SENP1: variants seen among roughly 807,000 people sequenced by gnomAD.
The protein encoded by SENP1 is sentrin-specific protease 1.
In SENP1, 21 loss-of-function variants were observed where a neutral mutation model predicts 93.0. The ratio of observed to expected loss-of-function variants is 0.23; its 90% confidence interval spans 0.16 to 0.33. The LOEUF is 0.33. SENP1 is among the 10% of genes least tolerant of loss of function. SENP1 has a pLI of 1.00. For synonymous variants in SENP1, 256 were observed against 259.6 expected, an observed-to-expected ratio of 0.99 and a Z score of 0.13; for missense variants, 591 against 758.7, an observed-to-expected ratio of 0.78 and a Z score of 2.60.
chr12:48,048,657 T>A (rs1386383047), intron 14 of SENP1, among the ~76,000 whole-genome samples: 2 of 152,040 alleles, frequency 1.3e-5, no homozygotes, highest in East Asian at 3.8e-4. Context: ...ATAAGTCACT[T>A]TTTTTCCCCC....
chr12:48,056,939 C>T (rs184306036), intron 13 of SENP1, among the ~76,000 whole-genome samples: 28 of 27,832 alleles, frequency 1.0e-3, no homozygotes, highest in African/African-American at 9.9e-3. Flanking sequence ...TAATATATTA[C>T]ATATTACATA....
chr12:48,105,925 T>C, intron 1 of SENP1, 103 bp downstream of exon 1: 1 of 671,018 alleles, frequency 1.5e-6, no homozygotes, highest in East Asian at 2.7e-5. Context: ...TGCTCCCCGC[T>C]TCCGCCCAGT....
intron 4 of SENP1, among the ~76,000 whole-genome samples, chr12:48,094,659 G>A (rs1945435528): frequency 2.6e-5 from 4 of 152,018 alleles, no homozygotes; most frequent in Admixed American, 6.6e-5. Flanking sequence ...TAGCCTGGGT[G>A]ACAGAGCGAG....
chr12:48,065,065 C>T lies in SENP1; in HGVS notation c.1275G>A (p.Glu425=), dbSNP rs777689984. The change falls in exon 12 of 18, where the codon GAG becomes GAA. Residue 425 remains glutamate (E), a splice_region_variant and synonymous_variant. Transcript: ENST00000549518. ...DSEDEFPEIT[E]EMEKEIKNVF... ...TAGAAATTAAGTGTATGTAACTTAC[C>T]TCTGTAATTTCAGGAAATTCATCTT... 1 of 1,577,648 alleles carries T rather than the reference C, an allele frequency of 6.3e-7. No individual in the cohort carries two copies. The highest frequency in any genetic ancestry group is 8.7e-7 in the Non-Finnish European group (1 of 1,147,566).
At chr12:48,061,408 G>C (rs192228611) in intron 13 of SENP1, among the ~76,000 whole-genome samples, 1 of 152,260 alleles carries the variant, frequency 6.6e-6, no homozygotes, top group Admixed American at 6.5e-5. Flanking sequence ...ACAGAATTAA[G>C]TTTTGTATTC....
intron 6 of SENP1, among the ~76,000 whole-genome samples, chr12:48,075,840 T>C (rs1202335262): frequency 6.7e-6 from 1 of 148,446 alleles, no homozygotes; most frequent in Non-Finnish European, 1.5e-5. Flanking sequence ...CAGGAACAGG[T>C]AAGATTTCTC....
intron 1 of SENP1, among the ~76,000 whole-genome samples, chr12:48,102,257 A>T (rs1315054235): frequency 6.6e-6 from 1 of 151,806 alleles, no homozygotes; most frequent in Non-Finnish European, 1.5e-5. Context: ...CATGGTGAAA[A>T]CCCATCTCTA....
chr12:48,079,995 T>C (rs959102076), intron 6 of SENP1: 2 of 152,238 alleles, frequency 1.3e-5, no homozygotes, highest in Non-Finnish European at 2.9e-5. Context: ...AAGTCCAGTA[T>C]CTTAAAATGT....
In SENP1 at chr12:48,048,034, C is replaced by G. The variant is rs1363532440; in HGVS notation, c.1658G>C (p.Gly553Ala). ...KKNITYYDSMGGINNEACRIL... is the reference protein window; with the variant it reads ...KKNITYYDSMAGINNEACRIL... ...TCTGCAGGCTTCATTGTTTATCCCA[C>G]CCATGGAGTCGTAATAGGTAATATT... The change falls in exon 15 of 18, where the codon GGT becomes GCT. Residue 553 changes from glycine to alanine, a missense_variant. This residue lies in a region of SENP1 where 132 missense variants were observed against 230.1 expected (regional missense o/e 0.57). Transcript: ENST00000549518. 1.0e-5 allele frequency: 16 copies of G among 1,607,946 alleles called. No individual in the cohort carries two copies. Among genetic ancestry groups the G allele is most frequent in the Non-Finnish European group, 1.2e-5 (14 of 1,174,714 alleles).
chr12:48,073,426 A>T (rs1423591415), intron 8 of SENP1, among the ~76,000 whole-genome samples: 2 of 152,026 alleles, frequency 1.3e-5, no homozygotes, highest in Non-Finnish European at 2.9e-5. Flanking sequence ...AGATTAAAAA[A>T]AAAACCTCAA....
At chr12:48,104,266 G>C (rs1454857920) in intron 1 of SENP1, among the ~76,000 whole-genome samples, 1 of 86,400 alleles carries the variant, frequency 1.2e-5, no homozygotes, top group Non-Finnish European at 2.8e-5. Context: ...CGGGGGGGGG[G>C]GGGGGGGCGG....
intron 13 of SENP1, 23 bp from the exon 14 acceptor site, chr12:48,049,155 TTAGAA>T (rs1941596455): frequency 3.8e-6 from 6 of 1,578,222 alleles, no homozygotes; most frequent in Non-Finnish European, 5.2e-6. Flanking sequence ...ATTACACCTA[TTAGAA>T]TAGACACTCA....
chr12:48,047,859 T>C (rs2136749458), intron 15 of SENP1, 142 bp downstream of exon 15: 1 of 609,298 alleles, frequency 1.6e-6, no homozygotes, highest in Non-Finnish European at 2.9e-6. Flanking sequence ...TAAACTTACT[T>C]AGATACAAAA....
chr12:48,085,339 C>G (rs1304842523), intron 5 of SENP1: 1 of 1,452,074 alleles, frequency 6.9e-7, no homozygotes, highest in Non-Finnish European at 9.7e-7. Context: ...GAGATCCCCT[C>G]CAAGGAGCAC....
At chr12:48,073,984 G>A (rs143512474) in intron 8 of SENP1, among the ~76,000 whole-genome samples, 1 of 152,202 alleles carries the variant, frequency 6.6e-6, no homozygotes, top group African/African-American at 2.4e-5. Context: ...TGTATTTAAA[G>A]TATGTAAGTA....
intron 1 of SENP1, among the ~76,000 whole-genome samples, chr12:48,104,117 AG>A (rs1946176994): frequency 6.6e-6 from 1 of 151,958 alleles, no homozygotes; most frequent in Non-Finnish European, 1.5e-5. Context: ...AGGCTGAGGC[AG>A]GAGAATCGCT....
chr12:48,086,940 G>C (rs527592291), intron 5 of SENP1, among the ~76,000 whole-genome samples: 13 of 152,248 alleles, frequency 8.5e-5, no homozygotes, highest in African/African-American at 3.1e-4. Flanking sequence ...TCGGAAGGCT[G>C]AGGCAGGAGA....
chr12:48,071,315 T>C (rs1943675809), intron 9 of SENP1, among the ~76,000 whole-genome samples: 1 of 152,094 alleles, frequency 6.6e-6, no homozygotes, highest in African/African-American at 2.4e-5. Context: ...GAAAACAATA[T>C]GTTAAGAAGA....
At chr12:48,056,010 T>C (rs2136849012) in intron 13 of SENP1, among the ~76,000 whole-genome samples, 1 of 129,990 alleles carries the variant, frequency 7.7e-6, no homozygotes, top group South Asian at 2.2e-4. Flanking sequence ...ATATATATTT[T>C]AATATATAAC....
Sources: allele counts gnomAD v4.1 joint callset (sites outside exome capture counted in the v4.1 genomes callset), GRCh38; gene constraint gnomAD v4.1.1; regional missense constraint gnomAD v4.1.1; transcripts MANE v1.5; gene names NCBI Gene and HGNC (gene_info 2026-07-23, HGNC 2026-07-21).